PCP4: variants seen among roughly 807,000 people sequenced by gnomAD.
The protein encoded by PCP4 is calmodulin regulator protein PCP4.
A neutral mutation model predicts 10.0 loss-of-function variants in PCP4; 8 were observed. The ratio of observed to expected loss-of-function variants is 0.80; its 90% CI spans 0.47 to 1.45. The LOEUF (loss-of-function observed/expected upper bound fraction) is 1.45. PCP4 is among the 40% of genes most tolerant of loss of function. PCP4 has a pLI of 0.00. For missense variants in PCP4, 54 were observed against 74.4 expected, an observed-to-expected ratio of 0.73 and a Z score of 1.01; for synonymous variants, 21 against 23.0, an observed-to-expected ratio of 0.91 and a Z score of 0.24.
chr21:39,911,818 T>C (rs966243277), intron 2 of PCP4, among the ~76,000 whole-genome samples: 1 of 152,232 alleles, frequency 6.6e-6, no homozygotes, highest in East Asian at 1.9e-4. Context: ...GACTTGTTTG[T>C]GGAAGAAGGA....
At chr21:39,909,785 C>T (rs972757230) in intron 2 of PCP4, among the ~76,000 whole-genome samples, 1 of 123,256 alleles carries the variant, frequency 8.1e-6, no homozygotes, top group African/African-American at 3.1e-5. Context: ...TTTCTTCCTT[C>T]CTTTCTTTTC....
intron 2 of PCP4, among the ~76,000 whole-genome samples, chr21:39,922,697 C>A (rs567384255): frequency 6.6e-6 from 1 of 152,294 alleles, no homozygotes; most frequent in Admixed American, 6.5e-5. Context: ...TGCCTGGAGC[C>A]ATTTTGCAAC....
At chr21:39,895,513 T>G (rs1160477643) in intron 1 of PCP4, among the ~76,000 whole-genome samples, 1 of 152,234 alleles carries the variant, frequency 6.6e-6, no homozygotes, top group Non-Finnish European at 1.5e-5. Flanking sequence ...TACTGAGAGA[T>G]GCTTAAGTAC....
chr21:39,881,414 G>C (rs58212245), intron 1 of PCP4, among the ~76,000 whole-genome samples: 5,316 of 152,190 alleles, frequency 0.035, 311 homozygotes, highest in African/African-American at 0.12. Flanking sequence ...ATAGGAAAAG[G>C]GTTTGCATGG....
chr21:39,885,232 C>G lies in PCP4; in HGVS notation c.10-13244C>G, dbSNP rs548651421. Among the ~76,000 whole-genome samples the G allele has an allele frequency of 4.6e-5, 7 of 152,308 alleles. No individual in the cohort carries two copies. In the South Asian group the frequency reaches 1.5e-3, roughly 32 times the overall value. On this transcript the variant is annotated intron_variant, in intron 1 of 2. Coordinates refer to ENST00000328619, the MANE Select transcript of PCP4 (RefSeq NM_006198.3). ...GGTTTCTGTCCTGCTCCTTCTCAAA[C>G]TGACACTGAGCAAGCGCCACCTGCT... is the stretch of plus-strand genomic sequence containing the variant.
chr21:39,924,219 A>C (rs1198341167), intron 2 of PCP4, among the ~76,000 whole-genome samples: 1 of 152,166 alleles, frequency 6.6e-6, no homozygotes, highest in Non-Finnish European at 1.5e-5. Flanking sequence ...TGGCCACGCC[A>C]TGCCCAGTAC....
intron 2 of PCP4, among the ~76,000 whole-genome samples, chr21:39,922,817 A>C (rs1024419136): frequency 3.6e-4 from 55 of 152,198 alleles, no homozygotes; most frequent in African/African-American, 1.3e-3. Context: ...TTTGATTGTC[A>C]CTTCCTTTGA....
intron 1 of PCP4, 31 bp downstream of exon 1, chr21:39,867,541 C>G: frequency 6.2e-7 from 1 of 1,611,296 alleles, no homozygotes. Flanking sequence ...GAGAGGGAAA[C>G]TTAGGAGTGA....
chr21:39,923,736 G>A (rs563584347), intron 2 of PCP4, among the ~76,000 whole-genome samples: 54 of 152,314 alleles, frequency 3.5e-4, no homozygotes, highest in Middle Eastern at 3.4e-3. Flanking sequence ...TGACGGAAAT[G>A]ATTGTACTGC....
At chr21:39,927,099 C>T (rs2087625184) in intron 2 of PCP4, among the ~76,000 whole-genome samples, 1 of 151,930 alleles carries the variant, frequency 6.6e-6, no homozygotes, top group East Asian at 1.9e-4. Flanking sequence ...ATTCCCTCCT[C>T]CTAGGTGAGA....
At chr21:39,898,312 G>C (rs1346222498) in intron 1 of PCP4, 164 bp from the exon 2 acceptor site, 5 of 727,916 alleles carry the variant, frequency 6.9e-6, no homozygotes, top group Non-Finnish European at 1.2e-5. Context: ...TCCTTTCTTG[G>C]TGGATCCATT....
chr21:39,880,188 C>CTATATCTATCTA (rs1325255846), intron 1 of PCP4, among the ~76,000 whole-genome samples: 19 of 122,700 alleles, frequency 1.5e-4, no homozygotes, highest in Middle Eastern at 4.2e-3. Context: ...ATATCTATAT[C>CTATATCTATCTA]TATCTATATC....
intron 1 of PCP4, among the ~76,000 whole-genome samples, chr21:39,889,929 G>A (rs1361423329): frequency 6.6e-6 from 1 of 152,106 alleles, no homozygotes; most frequent in Non-Finnish European, 1.5e-5. Context: ...AAGTGTACTG[G>A]GCTGAATTAT....
At position 39,869,316 on chromosome 21, in the gene PCP4, C is replaced by G. The variant is rs113627024; in HGVS notation, c.9+1806C>G. ...TGTGCGGGTCTCCAGGGAGAAAGCG[C>G]GTGTTCCAGAGCTCACCTGTGATTA... On this transcript the variant is annotated intron_variant, in intron 1 of 2. Coordinates refer to ENST00000328619, the MANE Select transcript of PCP4 (RefSeq NM_006198.3). Among the ~76,000 whole-genome samples the G allele has an allele frequency of 5.4e-3, 824 of 152,264 alleles. 11 individuals are homozygous for G. The highest frequency in any genetic ancestry group is 0.019 in the African/African-American group (789 of 41,536).
At chr21:39,877,648 G>C (rs1285163317) in intron 1 of PCP4, among the ~76,000 whole-genome samples, 1 of 152,094 alleles carries the variant, frequency 6.6e-6, no homozygotes, top group Admixed American at 6.5e-5. Flanking sequence ...AGTGAGCCAT[G>C]ATCATGCCAC....
intron 1 of PCP4, chr21:39,883,310 G>A (rs1164728278): frequency 6.6e-6 from 1 of 152,178 alleles, no homozygotes; most frequent in Non-Finnish European, 1.5e-5. Flanking sequence ...TGGGCCCTTT[G>A]ACCCAACCTC....
chr21:39,891,471 G>A (rs562398018), intron 1 of PCP4, among the ~76,000 whole-genome samples: 1 of 152,342 alleles, frequency 6.6e-6, no homozygotes, highest in South Asian at 2.1e-4. Flanking sequence ...ACGAGAGATG[G>A]CAGCTGGTGG....
At chr21:39,885,655 G>A in intron 1 of PCP4, among the ~76,000 whole-genome samples, 1 of 152,186 alleles carries the variant, frequency 6.6e-6, no homozygotes, top group Non-Finnish European at 1.5e-5. Context: ...TGCGCTGAAG[G>A]AGATGCCCTC....
At chr21:39,877,619 C>G (rs1157219321) in intron 1 of PCP4, among the ~76,000 whole-genome samples, 1 of 152,038 alleles carries the variant, frequency 6.6e-6, no homozygotes, top group African/African-American at 2.4e-5. Context: ...ATGGTTTGAG[C>G]CTGGGAGGTG....
Sources: allele counts gnomAD v4.1 joint callset (sites outside exome capture counted in the v4.1 genomes callset), GRCh38; gene constraint gnomAD v4.1.1; transcripts MANE v1.5; gene names NCBI Gene and HGNC (gene_info 2026-07-23, HGNC 2026-07-21).